UBR3: variants seen among roughly 807,000 people sequenced by gnomAD.
The protein encoded by UBR3 is ubiquitin protein ligase E3 component n-recognin 3, also known as E3 ubiquitin-protein ligase UBR3.
A neutral mutation model predicts 243.2 loss-of-function variants in UBR3; 85 were observed. The ratio of observed to expected loss-of-function variants is 0.35; its 90% confidence interval spans 0.29 to 0.42. The LOEUF is 0.42. Ranked by LOEUF, UBR3 falls within the 10% of genes least tolerant of loss-of-function variation. The pLI, the probability that UBR3 is intolerant of heterozygous loss-of-function variation, is 1.00. For missense variants in UBR3, 1,686 were observed against 2,300.8 expected (o/e 0.73, Z 5.47); for synonymous variants, 748 against 799.8 (o/e 0.94, Z 1.09).
chr2:169,948,480 T>G lies in UBR3; in HGVS notation c.3084+765T>G, dbSNP rs532575668. 2.0e-4 allele frequency among the ~76,000 whole-genome samples: 31 copies of G among 152,200 alleles called. 2 individuals are homozygous for G. In the South Asian group the frequency reaches 4.6e-3, roughly 22 times the overall value. On this transcript the variant is annotated intron_variant, in intron 22 of 38. Transcript: ENST00000272793. ...TTTTAAAAAGCAGTAATGAAAAATC[T>G]TGAAATGACATTGTAAGTAAGTAAA...
intron 24 of UBR3, chr2:169,964,734 C>T (rs2087731218): frequency 2.6e-6 from 1 of 383,620 alleles, no homozygotes; most frequent in African/African-American, 2.1e-5. Flanking sequence ...ATGCTTACAG[C>T]TCAGTTATAG....
At chr2:170,017,964 C>T (rs966781397) in intron 30 of UBR3, among the ~76,000 whole-genome samples, 2 of 152,158 alleles carry the variant, frequency 1.3e-5, no homozygotes, top group African/African-American at 4.8e-5. Flanking sequence ...ATCTCAAGTT[C>T]AGAGTGATTG....
At chr2:169,899,935 A>G (rs1253293334) in intron 8 of UBR3, among the ~76,000 whole-genome samples, 1 of 152,152 alleles carries the variant, frequency 6.6e-6, no homozygotes, top group African/African-American at 2.4e-5. Context: ...AGTCTTTGCT[A>G]TTGTGAACAG....
chr2:169,937,603 A>G (rs2086394981), intron 19 of UBR3, among the ~76,000 whole-genome samples: 2 of 152,148 alleles, frequency 1.3e-5, no homozygotes, highest in South Asian at 4.1e-4. Flanking sequence ...CCGGAATGGT[A>G]TTGCCCAGGT....
intron 1 of UBR3, among the ~76,000 whole-genome samples, chr2:169,859,877 C>T (rs777422247): frequency 4.1e-4 from 62 of 152,090 alleles, no homozygotes; most frequent in Middle Eastern, 3.4e-3. Flanking sequence ...CTACCACACC[C>T]GGCTAATTTT....
At chr2:169,845,501 ATCGTCGTCGTCGTCGTCG>A (rs879064379) in intron 1 of UBR3, among the ~76,000 whole-genome samples, 7 of 93,828 alleles carry the variant, frequency 7.5e-5, no homozygotes, top group African/African-American at 1.9e-4. Context: ...CTTCGTCGTC[ATCGTCGTCGTCGTCGTCG>A]TCGTCGTCGT....
chr2:169,845,387 C>T (rs1204051717), intron 1 of UBR3, among the ~76,000 whole-genome samples: 1 of 140,472 alleles, frequency 7.1e-6, no homozygotes, highest in Non-Finnish European at 1.5e-5. Flanking sequence ...GGCGCCACTG[C>T]ATTCCAGTCT....
intron 1 of UBR3, among the ~76,000 whole-genome samples, chr2:169,831,524 G>A (rs2081942834): frequency 6.6e-6 from 1 of 152,080 alleles, no homozygotes; most frequent in African/African-American, 2.4e-5. Flanking sequence ...GTCAGCAGTT[G>A]CCATGTCCAG....
intron 19 of UBR3, among the ~76,000 whole-genome samples, chr2:169,935,058 C>G (rs1032852477): frequency 1.3e-5 from 2 of 152,158 alleles, no homozygotes; most frequent in African/African-American, 4.8e-5. Context: ...AACAATACAA[C>G]AACAACAAAG....
intron 19 of UBR3, among the ~76,000 whole-genome samples, chr2:169,936,791 G>A (rs985357905): frequency 2.9e-4 from 44 of 151,966 alleles, no homozygotes; most frequent in African/African-American, 1.1e-3. Flanking sequence ...CTGTCCTTGC[G>A]ACAGTTTGGT....
At chr2:169,849,590 C>T (rs946438028) in intron 1 of UBR3, among the ~76,000 whole-genome samples, 11 of 152,124 alleles carry the variant, frequency 7.2e-5, no homozygotes, top group South Asian at 2.1e-4. Flanking sequence ...CCACGGTGCC[C>T]GGCCTGATTT....
chr2:170,047,201 G>A (rs932244166), intron 32 of UBR3, among the ~76,000 whole-genome samples: 2 of 150,154 alleles, frequency 1.3e-5, no homozygotes, highest in African/African-American at 5.0e-5. Context: ...GTCGGGGGGG[G>A]GGTCTCACTT....
At chr2:169,968,885 C>T (rs905715093) in intron 24 of UBR3, among the ~76,000 whole-genome samples, 3 of 152,132 alleles carry the variant, frequency 2.0e-5, no homozygotes, top group Admixed American at 1.3e-4. Context: ...GCTATTTTAA[C>T]TGGGGTGAGA....
chr2:169,991,537 G>A (rs1284517563), intron 25 of UBR3, among the ~76,000 whole-genome samples: 1 of 152,086 alleles, frequency 6.6e-6, no homozygotes, highest in African/African-American at 2.4e-5. Flanking sequence ...AAGGAAACCT[G>A]GGAAATTCAC....
chr2:169,891,689 T>C (rs1385260015), intron 6 of UBR3, among the ~76,000 whole-genome samples: 1 of 151,612 alleles, frequency 6.6e-6, no homozygotes, highest in Non-Finnish European at 1.5e-5. Context: ...CAGTAGGGAC[T>C]CATGTGTTTA....
intron 3 of UBR3, among the ~76,000 whole-genome samples, chr2:169,876,619 G>A (rs1020790282): frequency 6.6e-6 from 1 of 151,612 alleles, no homozygotes; most frequent in Non-Finnish European, 1.5e-5. Flanking sequence ...GTGCAGTGGC[G>A]TGATCTCAGC....
chr2:170,081,247 C>T (rs765971358), intron 38 of UBR3, among the ~76,000 whole-genome samples: 1 of 151,656 alleles, frequency 6.6e-6, no homozygotes, highest in Non-Finnish European at 1.5e-5. Flanking sequence ...GCCTGTAATC[C>T]CAGCACTTTG....
chr2:169,936,316 C>A (rs2086327432), intron 19 of UBR3, among the ~76,000 whole-genome samples: 1 of 152,138 alleles, frequency 6.6e-6, no homozygotes, highest in African/African-American at 2.4e-5. Flanking sequence ...ACCTTGGCCT[C>A]CCAAAGTGCT....
chr2:169,977,886 T>G (rs2088531555), intron 24 of UBR3, among the ~76,000 whole-genome samples: 1 of 152,236 alleles, frequency 6.6e-6, no homozygotes, highest in Admixed American at 6.5e-5. Context: ...ATGTTTCTTA[T>G]GTCACTGCAT....
Sources: gnomAD v4.1 joint callset for allele counts (sites outside exome capture counted in the v4.1 genomes callset) on GRCh38, gnomAD v4.1.1 for gene constraint, MANE v1.5 for transcripts, NCBI Gene and HGNC (gene_info 2026-07-23, HGNC 2026-07-21) for gene names.